Variants in SLC45A4 observed in about 807,000 individuals in gnomAD.
SLC45A4 encodes the protein polyamine-transporter SLC45A4.
Under a neutral mutation model 63.7 loss-of-function variants are expected in SLC45A4, and 32 were observed. The observed-to-expected ratio is 0.50, with a 90% CI of 0.38 to 0.67. The LOEUF is 0.67. Ranked by LOEUF, SLC45A4 falls within the 30% of genes least tolerant of loss-of-function variation. The pLI is 0.00. For synonymous variants in SLC45A4, 535 were observed against 510.0 expected, an observed-to-expected ratio of 1.05 and a Z score of -0.66; for missense variants, 1,027 against 1,157.7, an observed-to-expected ratio of 0.89 and a Z score of 1.64.
At chr8:141,303,620 C>CA (rs1202704670) in intron 1 of SLC45A4, among the ~76,000 whole-genome samples, 1 of 152,126 alleles carries the variant, frequency 6.6e-6, no homozygotes, top group Non-Finnish European at 1.5e-5. Context: ...CCAGTCAATT[C>CA]AGATGGCTCC....
chr8:141,263,359 TATAATA>T (rs1046948465), intron 1 of SLC45A4, among the ~76,000 whole-genome samples: 1 of 150,670 alleles, frequency 6.6e-6, no homozygotes. Context: ...AAACTTAAAG[TATAATA>T]ATAATAAAAT....
At chr8:141,299,634 C>T (rs1194266762) in intron 1 of SLC45A4, among the ~76,000 whole-genome samples, 4 of 152,184 alleles carry the variant, frequency 2.6e-5, no homozygotes, top group Non-Finnish European at 5.9e-5. Context: ...GCTTTTAATG[C>T]CGTTTTACGT....
At chr8:141,223,809 G>C (rs1045500974) in intron 2 of SLC45A4, among the ~76,000 whole-genome samples, 2 of 152,174 alleles carry the variant, frequency 1.3e-5, no homozygotes, top group Non-Finnish European at 2.9e-5. Context: ...CCAGAGGGCC[G>C]TAGCTGCTCA....
At chr8:141,257,283 G>A (rs79252996) in intron 1 of SLC45A4, among the ~76,000 whole-genome samples, 9 of 152,250 alleles carry the variant, frequency 5.9e-5, no homozygotes, top group Admixed American at 2.6e-4. Context: ...AAAATTTCAC[G>A]ATTTTCCCTG....
At chr8:141,294,922 G>A (rs540685305) in intron 1 of SLC45A4, among the ~76,000 whole-genome samples, 4 of 152,354 alleles carry the variant, frequency 2.6e-5, no homozygotes, top group East Asian at 1.9e-4. Flanking sequence ...GCCTCAGCTC[G>A]AAGGTGAGGA....
At chr8:141,273,113 G>T (rs1829601710) in intron 1 of SLC45A4, among the ~76,000 whole-genome samples, 1 of 152,188 alleles carries the variant, frequency 6.6e-6, no homozygotes, top group South Asian at 2.1e-4. Flanking sequence ...AGGACACACT[G>T]CCCCCAAAAG....
chr8:141,216,067 G>GA, intron 6 of SLC45A4, 97 bp from the exon 7 acceptor site: 1 of 996,634 alleles, frequency 1.0e-6, no homozygotes, highest in Non-Finnish European at 1.4e-6. Flanking sequence ...ACATCCCCCC[G>GA]ACCTCCACTC....
intron 1 of SLC45A4, among the ~76,000 whole-genome samples, chr8:141,289,244 A>G (rs1342359707): frequency 6.6e-6 from 1 of 152,192 alleles, no homozygotes; most frequent in Non-Finnish European, 1.5e-5. Flanking sequence ...AGTGAGAAAC[A>G]GGGCTGCTGC....
intron 1 of SLC45A4, among the ~76,000 whole-genome samples, chr8:141,272,006 AACACACACCTGCGT>A (rs1162926757): frequency 6.6e-6 from 1 of 151,884 alleles, no homozygotes; most frequent in Non-Finnish European, 1.5e-5. Flanking sequence ...GTGTGCATGC[AACACACACCTGCGT>A]ACACACATGC....
chr8:141,262,993 A>G (rs1411965074), intron 1 of SLC45A4, among the ~76,000 whole-genome samples: 11 of 151,328 alleles, frequency 7.3e-5, no homozygotes, highest in South Asian at 2.1e-4. Flanking sequence ...GACTGGATTA[A>G]GAAAATGTGG....
intron 8 of SLC45A4, 47 bp downstream of exon 8, chr8:141,212,150 G>GCCCA (rs1209615166): frequency 2.2e-6 from 2 of 889,454 alleles, no homozygotes; most frequent in African/African-American, 4.4e-5. Flanking sequence ...CCGCCCGCCC[G>GCCCA]CCCACCCGCC....
intron 2 of SLC45A4, among the ~76,000 whole-genome samples, chr8:141,251,412 C>T (rs977035858): frequency 1.3e-5 from 2 of 152,000 alleles, no homozygotes; most frequent in Non-Finnish European, 2.9e-5. Context: ...TTCTTTCCCT[C>T]GCTGGTCGGG....
In SLC45A4 at chr8:141,222,004, T is replaced by A. The variant is rs1234319245; in HGVS notation, c.242-239A>T. ...AGAGAAAAGCAGCCAGGCCTTGGAGTGCCAGTGGGCTCCACCTGCACTGGC... is the reference window on the plus strand; with the variant it reads ...AGAGAAAAGCAGCCAGGCCTTGGAGAGCCAGTGGGCTCCACCTGCACTGGC... On this transcript the variant is annotated intron_variant, in intron 2 of 8. Transcript: ENST00000517878. 3.9e-5 allele frequency among the ~76,000 whole-genome samples: 6 copies of A among 152,290 alleles called. No homozygotes were observed. In the East Asian group the frequency reaches 1.2e-3, roughly 29 times the overall value.
chr8:141,230,049 GATAAGA>G (rs993728993), intron 2 of SLC45A4: 1 of 456,090 alleles, frequency 2.2e-6, no homozygotes, highest in African/African-American at 2.0e-5. Flanking sequence ...ATTACACGAT[GATAAGA>G]AAGTTCTCTG....
intron 1 of SLC45A4, among the ~76,000 whole-genome samples, chr8:141,298,060 C>T (rs959102767): frequency 1.3e-5 from 2 of 152,186 alleles, no homozygotes; most frequent in South Asian, 2.1e-4. Context: ...GCGGCAAGCC[C>T]GACTGGCCCA....
At chr8:141,301,006 G>A (rs987598797) in intron 1 of SLC45A4, among the ~76,000 whole-genome samples, 6 of 152,178 alleles carry the variant, frequency 3.9e-5, no homozygotes, top group East Asian at 1.9e-4. Flanking sequence ...AGGGGCCTCC[G>A]GTGTGGGGAA....
intron 2 of SLC45A4, among the ~76,000 whole-genome samples, chr8:141,241,562 A>G (rs1043904579): frequency 6.6e-6 from 1 of 151,914 alleles, no homozygotes; most frequent in African/African-American, 2.4e-5. Context: ...CCATTACAAT[A>G]CAGTCAAAGA....
chr8:141,213,990 T>G (rs1305949453), intron 7 of SLC45A4, among the ~76,000 whole-genome samples: 2 of 152,100 alleles, frequency 1.3e-5, no homozygotes, highest in African/African-American at 2.4e-5. Flanking sequence ...GTGGATCACC[T>G]GAGGTCAGGA....
At chr8:141,228,396 G>A (rs1315729163) in intron 2 of SLC45A4, 1 of 1,471,438 alleles carries the variant, frequency 6.8e-7, no homozygotes, top group Non-Finnish European at 9.0e-7. Context: ...GACCCAAGCA[G>A]GACGCTGGCG....
Sources: gnomAD v4.1 joint callset for allele counts (sites outside exome capture counted in the v4.1 genomes callset) on GRCh38, gnomAD v4.1.1 for gene constraint, MANE v1.5 for transcripts, NCBI Gene and HGNC (gene_info 2026-07-23, HGNC 2026-07-21) for gene names.